The following BPGM variants were observed in gnomAD, a reference collection of about 807,000 sequenced individuals.
The protein encoded by BPGM is bisphosphoglycerate mutase, also known as 2,3-bisphosphoglycerate mutase, erythrocyte.
Under a neutral mutation model 21.6 loss-of-function variants are expected in BPGM, and 15 were observed. That is an observed-to-expected ratio of 0.70 (90% CI 0.47 to 1.07). The LOEUF (loss-of-function observed/expected upper bound fraction) is 1.07. Ranked by LOEUF, BPGM falls within the 50% of genes least tolerant of loss-of-function variation. The pLI is 0.00. For synonymous variants in BPGM, 113 were observed against 116.2 expected, an observed-to-expected ratio of 0.97 and a Z score of 0.18; for missense variants, 273 against 319.0, an observed-to-expected ratio of 0.86 and a Z score of 1.10.
At chr7:134,671,395 T>A (rs1262441014) in intron 2 of BPGM, among the ~76,000 whole-genome samples, 1 of 148,476 alleles carries the variant, frequency 6.7e-6, no homozygotes, top group African/African-American at 2.5e-5. Flanking sequence ...GGAGTCTCGC[T>A]CTGTTGCCCA....
chr7:134,671,363 CTTTTT>C (rs563524361), intron 2 of BPGM, among the ~76,000 whole-genome samples: 1 of 133,964 alleles, frequency 7.5e-6, no homozygotes. Flanking sequence ...ACATTTTGTT[CTTTTT>C]TTTTTTTTTT....
In BPGM at chr7:134,661,945, T is replaced by C. The variant is rs773624452; in HGVS notation, c.438T>C (p.Asp146=). The C allele has an allele frequency of 2.4e-5, 38 of 1,614,070 alleles. No homozygotes were observed. Among genetic ancestry groups the C allele is most frequent in the East Asian group, 1.8e-4 (8 of 44,894 alleles). The stretch of plus-strand genomic sequence containing the variant: ...ACGACCGGAGGTATAAAGTATGCGA[T>C]GTGCCCTTGGATCAACTGCCACGGT... ...IYNDRRYKVC[D]VPLDQLPRSE... Residue 146 remains aspartate, a synonymous_variant, in exon 2 of 3, where the codon GAT becomes GAC. Coordinates refer to ENST00000344924, the MANE Select transcript of BPGM (RefSeq NM_001724.5). This position sits in a 1 kb window ranked among gnomAD's most constrained non-coding sequence, Gnocchi z 4.6.
intron 2 of BPGM, among the ~76,000 whole-genome samples, chr7:134,674,406 C>A (rs1044564443): frequency 6.6e-6 from 1 of 152,158 alleles, no homozygotes; most frequent in African/African-American, 2.4e-5. Flanking sequence ...CCCCCCAGTT[C>A]CTCCCCTATT....
At chr7:134,675,263 C>A (rs1335293872) in intron 2 of BPGM, among the ~76,000 whole-genome samples, 1 of 151,870 alleles carries the variant, frequency 6.6e-6, no homozygotes, top group African/African-American at 2.4e-5. Flanking sequence ...TTTTTATATA[C>A]CCAGTTTATT....
chr7:134,659,289 C>T (rs541285980), intron 1 of BPGM, among the ~76,000 whole-genome samples: 2 of 151,782 alleles, frequency 1.3e-5, no homozygotes, highest in South Asian at 2.1e-4. Context: ...GAGGCTTCTA[C>T]TACTTGGTGG....
At chr7:134,659,374 TG>T (rs1241072821) in intron 1 of BPGM, among the ~76,000 whole-genome samples, 3 of 27,702 alleles carry the variant, frequency 1.1e-4, no homozygotes, top group African/African-American at 2.7e-4. Context: ...CACCCCTCCG[TG>T]TGTGTGTGTG....
chr7:134,648,437 C>CT lies in BPGM; in HGVS notation c.-62+1509dup, dbSNP rs937364854. On this transcript the variant is annotated intron_variant, in intron 1 of 2. Coordinates refer to ENST00000344924, the MANE Select transcript of BPGM (RefSeq NM_001724.5). ...GGTGTGAGCTACCGCGCCCGGCCTT[C>CT]TTTTTTTTTGAACTGCCTCCCGTGA... 5.3e-4 allele frequency among the ~76,000 whole-genome samples: 80 copies of CT among 151,414 alleles called. No homozygotes were observed. The East Asian group carries it at 7.0e-3, about 13-fold the overall frequency.
intron 2 of BPGM, among the ~76,000 whole-genome samples, chr7:134,662,749 G>T (rs1032369258): frequency 6.6e-6 from 1 of 152,174 alleles, no homozygotes; most frequent in African/African-American, 2.4e-5. Flanking sequence ...GAAACTAAAA[G>T]GATAGTTGGT....
At chr7:134,676,662 T>C (rs1271871152) in intron 2 of BPGM, among the ~76,000 whole-genome samples, 1 of 152,176 alleles carries the variant, frequency 6.6e-6, no homozygotes, top group East Asian at 1.9e-4. Flanking sequence ...AAAAAATAGT[T>C]CATTGGAGGT....
chr7:134,675,251 A>C (rs1051859342), intron 2 of BPGM, among the ~76,000 whole-genome samples: 2 of 151,944 alleles, frequency 1.3e-5, no homozygotes, highest in Non-Finnish European at 2.9e-5. Context: ...AAACATTTTT[A>C]ATTTTTATAT....
intron 1 of BPGM, among the ~76,000 whole-genome samples, chr7:134,657,629 T>G (rs1475125710): frequency 6.6e-6 from 1 of 152,130 alleles, no homozygotes; most frequent in Non-Finnish European, 1.5e-5. Flanking sequence ...GTATGAGGCA[T>G]GAGCACCCCC....
At chr7:134,662,251 TC>T in intron 2 of BPGM, 143 bp downstream of exon 2, 1 of 1,234,778 alleles carries the variant, frequency 8.1e-7, no homozygotes, top group South Asian at 1.3e-5. Flanking sequence ...ATTGTCTTGT[TC>T]TATAAATCAG....
intron 2 of BPGM, among the ~76,000 whole-genome samples, chr7:134,670,002 T>C (rs1795879844): frequency 6.6e-6 from 1 of 152,004 alleles, no homozygotes; most frequent in Non-Finnish European, 1.5e-5. Flanking sequence ...CAGGCGTGTG[T>C]TTCATTCTCT....
At chr7:134,673,099 A>G (rs897989738) in intron 2 of BPGM, among the ~76,000 whole-genome samples, 6 of 152,226 alleles carry the variant, frequency 3.9e-5, no homozygotes, top group South Asian at 2.1e-4. Flanking sequence ...GCGTGAACCC[A>G]GGAGGCGGAG....
In BPGM at chr7:134,669,512, A is replaced by G. The variant is rs113589362; in HGVS notation, c.601+7404A>G. On this transcript the variant is annotated intron_variant, in intron 2 of 2. Coordinates refer to ENST00000344924, the MANE Select transcript of BPGM (RefSeq NM_001724.5). ...AACAACCTAGTCTAGGAGCGGGTCA[A>G]CAAGGACCTCCTGGAGTCAGCGCAG... Among the ~76,000 whole-genome samples the G allele has an allele frequency of 2.4e-3, 366 of 152,140 alleles. 4 individuals carry two copies. The highest frequency in any genetic ancestry group is 8.5e-3 in the African/African-American group (352 of 41,504).
chr7:134,653,091 T>A (rs1274175195), intron 1 of BPGM, among the ~76,000 whole-genome samples: 1 of 152,232 alleles, frequency 6.6e-6, no homozygotes, highest in East Asian at 1.9e-4. Flanking sequence ...TAAATTAATA[T>A]TTCATGTGCA....
chr7:134,665,129 G>A (rs1245687547), intron 2 of BPGM, among the ~76,000 whole-genome samples: 1 of 152,152 alleles, frequency 6.6e-6, no homozygotes, highest in African/African-American at 2.4e-5. Flanking sequence ...ATAATCAATG[G>A]AATTGAAAGG....
At chr7:134,657,688 A>C (rs2131423787) in intron 1 of BPGM, among the ~76,000 whole-genome samples, 1 of 152,302 alleles carries the variant, frequency 6.6e-6, no homozygotes, top group South Asian at 2.1e-4. Context: ...TTTTCAGTTC[A>C]GATCTTTTTC....
chr7:134,655,532 A>C (rs770398616), intron 1 of BPGM, among the ~76,000 whole-genome samples: 7 of 152,204 alleles, frequency 4.6e-5, no homozygotes, highest in Non-Finnish European at 1.0e-4. Context: ...TGAACAAGTC[A>C]ATCAGAATCT....
Sources: allele counts gnomAD v4.1 joint callset (sites outside exome capture counted in the v4.1 genomes callset), GRCh38; gene constraint gnomAD v4.1.1; non-coding constraint Gnocchi (gnomAD v3.1); transcripts MANE v1.5; gene names NCBI Gene and HGNC (gene_info 2026-07-23, HGNC 2026-07-21).